The following NEMP2 variants were observed in gnomAD, a reference collection of about 807,000 sequenced individuals.
NEMP2 encodes the protein nuclear envelope integral membrane protein 2.
NEMP2 carries 53 observed loss-of-function variants against 54.2 expected under a neutral mutation model. The observed-to-expected ratio is 0.98, with a 90% CI of 0.78 to 1.23. The LOEUF (loss-of-function observed/expected upper bound fraction) is 1.23. Ranked by LOEUF, NEMP2 falls within the 50% of genes most tolerant of loss-of-function variation. The pLI is 0.00. For missense variants in NEMP2, 455 were observed against 511.3 expected (o/e 0.89, Z 1.06); for synonymous variants, 197 against 190.3 (o/e 1.04, Z -0.29).
the NEMP2 span, among the ~76,000 whole-genome samples, chr2:190,634,871 GCAAA>G: frequency 1.3e-5 from 2 of 152,192 alleles, no homozygotes; most frequent in Admixed American, 1.3e-4. The surrounding 1 kb of genome is among the most constrained non-coding windows in gnomAD (Gnocchi z 6.8). Context: ...ATCTTTGCAA[GCAAA>G]CACTTGGTTA....
the NEMP2 span, chr2:190,436,501 A>G: frequency 1.9e-6 from 3 of 1,614,058 alleles, no homozygotes; most frequent in African/African-American, 2.7e-5. The surrounding 1 kb of genome is among the most constrained non-coding windows in gnomAD (Gnocchi z 5.3). Context: ...TGCTACCTTG[A>G]GATGTGTACC....
the NEMP2 span, among the ~76,000 whole-genome samples, chr2:190,459,871 G>A: frequency 6.6e-6 from 1 of 152,202 alleles, no homozygotes; most frequent in African/African-American, 2.4e-5. This position sits in a 1 kb window ranked among gnomAD's most constrained non-coding sequence, Gnocchi z 5.3. Context: ...AGTAGCTGCA[G>A]AAAATATACA....
At chr2:190,430,495 CAT>C in the NEMP2 span, among the ~76,000 whole-genome samples, 17 of 151,874 alleles carry the variant, frequency 1.1e-4, no homozygotes, top group African/African-American at 3.6e-4. Flanking sequence ...GGACACAGCA[CAT>C]GTTTCAGAGA....
chr2:190,612,274 G>C, the NEMP2 span, among the ~76,000 whole-genome samples: 4 of 150,126 alleles, frequency 2.7e-5, no homozygotes, highest in African/African-American at 7.4e-5. Flanking sequence ...TTCTGCCTCA[G>C]CTTCCTGAGT....
chr2:190,534,308 G>C, intron 1 of NEMP2: 1 of 1,181,154 alleles, frequency 8.5e-7, no homozygotes, highest in South Asian at 4.2e-5. Context: ...GGAATTGGGC[G>C]ACTGGATCGC....
At chr2:190,628,789 C>T in the NEMP2 span, 1 of 152,192 alleles carries the variant, frequency 6.6e-6, no homozygotes, top group African/African-American at 2.4e-5. This position sits in a 1 kb window ranked among gnomAD's most constrained non-coding sequence, Gnocchi z 4.1. Flanking sequence ...AAAAAGCCAG[C>T]TTCCCGGCTT....
At chr2:190,497,012 AACTT>A in the NEMP2 span, among the ~76,000 whole-genome samples, 1 of 152,088 alleles carries the variant, frequency 6.6e-6, no homozygotes, top group Non-Finnish European at 1.5e-5. The surrounding 1 kb of genome is among the most constrained non-coding windows in gnomAD (Gnocchi z 5.2). Flanking sequence ...ACCATTAGAG[AACTT>A]ACGTAACCAA....
At chr2:190,486,005 G>A in the NEMP2 span, among the ~76,000 whole-genome samples, 1 of 152,182 alleles carries the variant, frequency 6.6e-6, no homozygotes, top group Admixed American at 6.5e-5. Flanking sequence ...ATGGTACCTG[G>A]TTGGGTGCTG....
the NEMP2 span, chr2:190,435,812 AT>A: frequency 3.5e-6 from 2 of 579,448 alleles, no homozygotes; most frequent in Non-Finnish European, 5.6e-6. Flanking sequence ...TTTAAAAGCT[AT>A]TTTTCCTTAC....
the NEMP2 span, among the ~76,000 whole-genome samples, chr2:190,636,122 C>T: frequency 6.6e-6 from 1 of 152,152 alleles, no homozygotes; most frequent in Admixed American, 6.5e-5. Flanking sequence ...GCCTTGGCCT[C>T]CCAAAATATT....
At chr2:190,619,154 G>C in the NEMP2 span, among the ~76,000 whole-genome samples, 8 of 152,002 alleles carry the variant, frequency 5.3e-5, no homozygotes, top group African/African-American at 1.9e-4. The surrounding 1 kb of genome is among the most constrained non-coding windows in gnomAD (Gnocchi z 5.5). Context: ...CAAGGTGGAA[G>C]GATTGCTTGA....
At chr2:190,552,659 A>G in the NEMP2 span, among the ~76,000 whole-genome samples, 1 of 152,068 alleles carries the variant, frequency 6.6e-6, no homozygotes, top group African/African-American at 2.4e-5. Context: ...GTTCGAGGCT[A>G]CAGTGAGCTA....
chr2:190,642,941 G>T, the NEMP2 span, among the ~76,000 whole-genome samples: 25 of 142,018 alleles, frequency 1.8e-4, no homozygotes, highest in African/African-American at 6.0e-4. This position sits in a 1 kb window ranked among gnomAD's most constrained non-coding sequence, Gnocchi z 4.1. Flanking sequence ...TCATTCAAAT[G>T]TCAAAATCAC....
the NEMP2 span, chr2:190,488,518 G>A: frequency 2.5e-6 from 2 of 812,210 alleles, no homozygotes; most frequent in Non-Finnish European, 3.6e-6. This position sits in a 1 kb window ranked among gnomAD's most constrained non-coding sequence, Gnocchi z 6.4. Context: ...TTAAAAATGT[G>A]AAAATGGTAA....
At chr2:190,492,120 T>A in the NEMP2 span, among the ~76,000 whole-genome samples, 4 of 151,820 alleles carry the variant, frequency 2.6e-5, no homozygotes, top group Non-Finnish European at 5.9e-5. This position sits in a 1 kb window ranked among gnomAD's most constrained non-coding sequence, Gnocchi z 5.2. Context: ...AAAAAGAATT[T>A]TAAAAAATGA....
chr2:190,555,625 G>T, the NEMP2 span, among the ~76,000 whole-genome samples: 1 of 151,748 alleles, frequency 6.6e-6, no homozygotes, highest in African/African-American at 2.4e-5. The surrounding 1 kb of genome is among the most constrained non-coding windows in gnomAD (Gnocchi z 4.8). Flanking sequence ...TAAAAAAAAA[G>T]AATGAAAAGG....
At chr2:190,469,759 G>A in the NEMP2 span, 1 of 1,013,204 alleles carries the variant, frequency 9.9e-7, no homozygotes, top group Non-Finnish European at 1.4e-6. The surrounding 1 kb of genome is among the most constrained non-coding windows in gnomAD (Gnocchi z 5.3). Context: ...TTTTTTTAGG[G>A]TTCTGTACAT....
chr2:190,509,768 G>C lies in NEMP2; in HGVS notation c.1131-456C>G, dbSNP rs568528992. Among the ~76,000 whole-genome samples the C allele has an allele frequency of 2.0e-5, 3 of 152,172 alleles. No individual in the cohort carries two copies. The highest frequency in any genetic ancestry group is 2.9e-5 in the Non-Finnish European group (2 of 68,026). On this transcript the variant is annotated intron_variant, in intron 8 of 8. Coordinates refer to ENST00000409150, the MANE Select transcript of NEMP2 (RefSeq NM_001142645.2). This position sits in a 1 kb window ranked among gnomAD's most constrained non-coding sequence, Gnocchi z 6.1. Reference sequence around the variant, plus strand: ...TAAAAATGATTTTCCAGCTGGGTGCGGTGGCTCATGCCTGTAATCCCAGCA... The same window carrying C: ...TAAAAATGATTTTCCAGCTGGGTGCCGTGGCTCATGCCTGTAATCCCAGCA...
chr2:190,474,627 G>T, the NEMP2 span, among the ~76,000 whole-genome samples: 2 of 152,048 alleles, frequency 1.3e-5, no homozygotes, highest in Non-Finnish European at 2.9e-5. Flanking sequence ...AGCTGAATTC[G>T]ACCAGAGGTA....
Sources: gnomAD v4.1 joint callset for allele counts (sites outside exome capture counted in the v4.1 genomes callset) on GRCh38, gnomAD v4.1.1 for gene constraint, Gnocchi (gnomAD v3.1) non-coding constraint, MANE v1.5 for transcripts, NCBI Gene and HGNC (gene_info 2026-07-23, HGNC 2026-07-21) for gene names.